Variants in SRPK2 observed in about 807,000 individuals in gnomAD.
The protein encoded by SRPK2 is SFRS protein kinase 2.
Under a neutral mutation model 90.8 loss-of-function variants are expected in SRPK2, and 21 were observed. The observed-to-expected ratio is 0.23, with a 90% CI of 0.16 to 0.33. The LOEUF (loss-of-function observed/expected upper bound fraction) is 0.33, where lower values mean the gene tolerates loss of function less well. Among genes scored for constraint, SRPK2 ranks in the 10% least tolerant of loss-of-function variants. SRPK2 has a pLI of 1.00. For missense variants in SRPK2, 620 were observed against 869.0 expected, an observed-to-expected ratio of 0.71 and a Z score of 3.60; for synonymous variants, 288 against 311.1, an observed-to-expected ratio of 0.93 and a Z score of 0.78.
intron 2 of SRPK2, among the ~76,000 whole-genome samples, chr7:105,235,116 C>G (rs1799965683): frequency 6.6e-6 from 1 of 152,172 alleles, no homozygotes; most frequent in Non-Finnish European, 1.5e-5. Context: ...TTAGATACCT[C>G]TGTGGGAGAC....
chr7:105,233,047 G>C (rs1260460977), intron 2 of SRPK2, among the ~76,000 whole-genome samples: 2 of 148,662 alleles, frequency 1.3e-5, no homozygotes, highest in African/African-American at 5.0e-5. Flanking sequence ...GAGAAGAGAG[G>C]GAGAGAGGGA....
chr7:105,300,014 G>A (rs1810332795), intron 2 of SRPK2, among the ~76,000 whole-genome samples: 2 of 151,934 alleles, frequency 1.3e-5, no homozygotes, highest in African/African-American at 2.4e-5. Flanking sequence ...ATATTTAACA[G>A]AGAAATTCTT....
chr7:105,397,268 G>A (rs546201400), intron 1 of SRPK2, among the ~76,000 whole-genome samples: 106 of 151,748 alleles, frequency 7.0e-4, no homozygotes, highest in African/African-American at 2.3e-3. Context: ...CACCCGCCTC[G>A]GCCTACGAAA....
intron 2 of SRPK2, among the ~76,000 whole-genome samples, chr7:105,350,529 C>CTTTTT (rs71152961): frequency 7.9e-6 from 1 of 127,346 alleles, no homozygotes; most frequent in African/African-American, 3.0e-5. Context: ...AATTTTTTTT[C>CTTTTT]TTTTTTTTTT....
At chr7:105,228,655 C>T (rs1282416032) in intron 2 of SRPK2, among the ~76,000 whole-genome samples, 1 of 152,184 alleles carries the variant, frequency 6.6e-6, no homozygotes, top group Non-Finnish European at 1.5e-5. Context: ...CTCGGGGTCA[C>T]GGGCACCCTC....
chr7:105,300,463 T>C (rs1483386602), intron 2 of SRPK2, among the ~76,000 whole-genome samples: 1 of 152,126 alleles, frequency 6.6e-6, no homozygotes, highest in African/African-American at 2.4e-5. Context: ...AGGAGGAATG[T>C]ATTGTAATAT....
downstream of SRPK2, among the ~76,000 whole-genome samples, chr7:105,114,965 G>A (rs1799544423): frequency 6.6e-6 from 1 of 152,188 alleles, no homozygotes; most frequent in African/African-American, 2.4e-5. Flanking sequence ...TATCCTGATA[G>A]TTTCAAACAG....
chr7:105,346,255 C>G (rs920508598), intron 2 of SRPK2, among the ~76,000 whole-genome samples: 4 of 152,112 alleles, frequency 2.6e-5, no homozygotes, highest in African/African-American at 4.8e-5. Context: ...TACTAATTGG[C>G]TTCAAACCAT....
chr7:105,210,805 C>A (rs1796763136), intron 2 of SRPK2, among the ~76,000 whole-genome samples: 1 of 152,180 alleles, frequency 6.6e-6, no homozygotes, highest in African/African-American at 2.4e-5. Flanking sequence ...GCGGCGGGCT[C>A]CAGCTGCCTG....
At chr7:105,149,386 A>G (rs150251488) in intron 7 of SRPK2, among the ~76,000 whole-genome samples, 7,101 of 152,216 alleles carry the variant, frequency 0.047, 193 homozygotes, top group Non-Finnish European at 0.057. Context: ...ATTATGACAT[A>G]GATTCTATTG....
At chr7:105,266,509 CA>C (rs1422648745) in intron 2 of SRPK2, among the ~76,000 whole-genome samples, 1 of 152,128 alleles carries the variant, frequency 6.6e-6, no homozygotes, top group African/African-American at 2.4e-5. Context: ...TGCTTACAAT[CA>C]AGCAGTTTCT....
chr7:105,190,874 C>T (rs558408173), intron 3 of SRPK2, among the ~76,000 whole-genome samples: 2 of 152,312 alleles, frequency 1.3e-5, no homozygotes, highest in South Asian at 4.1e-4. Context: ...AATCCAACTG[C>T]GACTTCACTG....
chr7:105,343,433 C>CA (rs1163066287), intron 2 of SRPK2, among the ~76,000 whole-genome samples: 23 of 151,528 alleles, frequency 1.5e-4, no homozygotes, highest in Admixed American at 5.9e-4. Context: ...GACCCTGACT[C>CA]AAAAAAAACA....
intron 2 of SRPK2, among the ~76,000 whole-genome samples, chr7:105,206,984 G>T (rs1180037982): frequency 6.6e-6 from 1 of 152,166 alleles, no homozygotes; most frequent in Non-Finnish European, 1.5e-5. Flanking sequence ...AAATCACTCA[G>T]TTCATCACAG....
At chr7:105,133,481 T>C (rs908865049) in intron 11 of SRPK2, among the ~76,000 whole-genome samples, 2 of 152,162 alleles carry the variant, frequency 1.3e-5, no homozygotes, top group Non-Finnish European at 2.9e-5. Context: ...AGCTTGCTGA[T>C]GCATTATTAC....
chr7:105,234,559 A>T (rs1259888530), intron 2 of SRPK2, among the ~76,000 whole-genome samples: 1 of 152,200 alleles, frequency 6.6e-6, no homozygotes, highest in Admixed American at 6.5e-5. Context: ...CAACGTCCAG[A>T]GACTGAGAAA....
chr7:105,277,228 T>A (rs7801685), intron 2 of SRPK2, among the ~76,000 whole-genome samples: 1 of 151,486 alleles, frequency 6.6e-6, no homozygotes, highest in Non-Finnish European at 1.5e-5. Flanking sequence ...AGGCGCCCAC[T>A]ACCACGTCCG....
intron 2 of SRPK2, among the ~76,000 whole-genome samples, chr7:105,365,511 T>TAAAAAAAA (rs1818940996): frequency 1.1e-5 from 1 of 91,396 alleles, no homozygotes; most frequent in African/African-American, 5.1e-5. Flanking sequence ...AAAAAAAAAT[T>TAAAAAAAA]ATATATATAT....
chr7:105,326,044 T>C (rs564706470), intron 2 of SRPK2, among the ~76,000 whole-genome samples: 147 of 152,306 alleles, frequency 9.7e-4, no homozygotes, highest in African/African-American at 3.4e-3. Flanking sequence ...ACGGGTCTGG[T>C]GCGGAGAGCC....
Sources: allele counts gnomAD v4.1 joint callset (sites outside exome capture counted in the v4.1 genomes callset), GRCh38; gene constraint gnomAD v4.1.1; transcripts MANE v1.5; gene names NCBI Gene and HGNC (gene_info 2026-07-23, HGNC 2026-07-21).